Variants in KCNMB2 observed in about 807,000 individuals in gnomAD.
The protein encoded by KCNMB2 is potassium calcium-activated channel subfamily M regulatory beta subunit 2, also known as calcium-activated potassium channel subunit beta-2.
Under a neutral mutation model 24.5 loss-of-function variants are expected in KCNMB2, and 9 were observed. The observed-to-expected ratio is 0.37, with a 90% CI of 0.22 to 0.64. The LOEUF (loss-of-function observed/expected upper bound fraction) is 0.64. KCNMB2 is among the 30% of genes least tolerant of loss of function. The pLI is 0.63. For missense variants in KCNMB2, 226 were observed against 284.3 expected, an observed-to-expected ratio of 0.79 and a Z score of 1.47; for synonymous variants, 109 against 104.4, an observed-to-expected ratio of 1.04 and a Z score of -0.27.
rs1304931321 is a variant in KCNMB2, at chr3:178,782,716, G to A, written c.-67-24627G>A. ...GCCCTTTGTCAGATGAGTAGGTTGC[G>A]AAAATTTTCTCCCATTTTGTAGTTT... On this transcript the variant is annotated intron_variant, in intron 1 of 4. Transcript: ENST00000452583. Among the ~76,000 whole-genome samples the A allele has an allele frequency of 2.5e-3, 378 of 150,488 alleles. 4 individuals are homozygous for A. The highest frequency in any genetic ancestry group is 8.5e-3 in the African/African-American group (347 of 41,032).
At chr3:178,818,916 T>TACCTGGAGTA (rs112327216) in intron 2 of KCNMB2, among the ~76,000 whole-genome samples, 2 of 151,958 alleles carry the variant, frequency 1.3e-5, no homozygotes, top group East Asian at 3.9e-4. Context: ...TTCTCTTATA[T>TACCTGGAGTA]TCTGCCTGGA....
intron 1 of KCNMB2, among the ~76,000 whole-genome samples, chr3:178,611,954 C>T (rs543593161): frequency 9.9e-5 from 15 of 151,958 alleles, no homozygotes; most frequent in South Asian, 8.3e-4. Context: ...GCTGTGTTTC[C>T]GTTATTATTT....
chr3:178,790,645 T>C (rs1577190938), intron 1 of KCNMB2, among the ~76,000 whole-genome samples: 1 of 152,332 alleles, frequency 6.6e-6, no homozygotes, highest in East Asian at 1.9e-4. Context: ...CTGTGCACCT[T>C]GGGTAAGAAA....
intron 1 of KCNMB2, among the ~76,000 whole-genome samples, chr3:178,733,049 C>T (rs1219686400): frequency 6.6e-6 from 1 of 152,114 alleles, no homozygotes; most frequent in Non-Finnish European, 1.5e-5. Flanking sequence ...GTACTCTACT[C>T]TTGTGTATCT....
At chr3:178,559,291 G>C (rs751098216) in intron 1 of KCNMB2, among the ~76,000 whole-genome samples, 1 of 151,960 alleles carries the variant, frequency 6.6e-6, no homozygotes, top group Non-Finnish European at 1.5e-5. Context: ...TGATTCTAGT[G>C]CATATTTTCT....
chr3:178,625,564 G>A (rs998409349), intron 1 of KCNMB2, among the ~76,000 whole-genome samples: 1 of 152,172 alleles, frequency 6.6e-6, no homozygotes, highest in Non-Finnish European at 1.5e-5. Context: ...AAGTCTATCA[G>A]GAAGATAGAG....
intron 1 of KCNMB2, among the ~76,000 whole-genome samples, chr3:178,692,390 G>A (rs1200160187): frequency 1.3e-5 from 2 of 152,182 alleles, no homozygotes; most frequent in Non-Finnish European, 2.9e-5. Flanking sequence ...TTATATTTAA[G>A]TCATTAATCC....
At chr3:178,623,240 C>A (rs1268632825) in intron 1 of KCNMB2, among the ~76,000 whole-genome samples, 2 of 152,216 alleles carry the variant, frequency 1.3e-5, no homozygotes, top group Non-Finnish European at 2.9e-5. Flanking sequence ...ACCTCAGATA[C>A]CGCTTCAATC....
chr3:178,559,365 A>C (rs2108462388), intron 1 of KCNMB2, among the ~76,000 whole-genome samples: 1 of 152,190 alleles, frequency 6.6e-6, no homozygotes, highest in East Asian at 1.9e-4. Context: ...AATATAATAC[A>C]TTGGAATCAT....
chr3:178,836,736 A>G (rs1311481076), intron 4 of KCNMB2, among the ~76,000 whole-genome samples: 1 of 152,070 alleles, frequency 6.6e-6, no homozygotes, highest in Non-Finnish European at 1.5e-5. Context: ...ATTATTACTC[A>G]TATATTCTTT....
intron 1 of KCNMB2, among the ~76,000 whole-genome samples, chr3:178,617,027 A>G (rs1718730003): frequency 6.6e-6 from 1 of 152,152 alleles, no homozygotes. Context: ...GAGGAGATAC[A>G]GAGGTTTTAT....
At chr3:178,839,449 C>T (rs1231881982) in intron 4 of KCNMB2, among the ~76,000 whole-genome samples, 3 of 151,776 alleles carry the variant, frequency 2.0e-5, no homozygotes, top group Non-Finnish European at 4.4e-5. Context: ...GAGGGAAGGG[C>T]AAGGAAGGAG....
rs1374681281 is a variant in KCNMB2 at position 178,677,597 on chromosome 3, A to C, written c.-67-129746A>C. ...TGTTTCACTTCCCAGCCTCCTCCTAAAACCCCTGGCCTGTCGTCTGTGCAC... is the reference window on the plus strand; with the variant it reads ...TGTTTCACTTCCCAGCCTCCTCCTACAACCCCTGGCCTGTCGTCTGTGCAC... On this transcript the variant is annotated intron_variant, in intron 1 of 4. Coordinates refer to ENST00000452583, the MANE Select transcript of KCNMB2 (RefSeq NM_181361.3). 2.6e-5 allele frequency among the ~76,000 whole-genome samples: 4 copies of C among 152,168 alleles called. No individual in the cohort carries two copies. The East Asian group carries it at 7.7e-4, about 29-fold the overall frequency.
intron 1 of KCNMB2, among the ~76,000 whole-genome samples, chr3:178,713,419 G>C (rs1400881229): frequency 6.6e-6 from 1 of 152,170 alleles, no homozygotes; most frequent in Non-Finnish European, 1.5e-5. Flanking sequence ...TAATGTTGTA[G>C]CTGCAAATTA....
At chr3:178,566,671 TA>T (rs11286527) in intron 1 of KCNMB2, among the ~76,000 whole-genome samples, 94,607 of 151,670 alleles carry the variant, frequency 0.62, 30,571 homozygotes, top group African/African-American at 0.8. Context: ...CAAGCAAACA[TA>T]AAAAAAAACT....
chr3:178,583,942 T>G (rs1717312267), intron 1 of KCNMB2, among the ~76,000 whole-genome samples: 1 of 152,220 alleles, frequency 6.6e-6, no homozygotes, highest in Admixed American at 6.5e-5. Context: ...CGGAGGTCTG[T>G]GAAACTCCAC....
chr3:178,547,489 T>C (rs146830920), intron 1 of KCNMB2, among the ~76,000 whole-genome samples: 40 of 152,314 alleles, frequency 2.6e-4, no homozygotes, highest in Admixed American at 1.3e-3. Flanking sequence ...TTCCCTTTCA[T>C]CATAAAACAT....
intron 1 of KCNMB2, among the ~76,000 whole-genome samples, chr3:178,549,309 CTTTTTTT>C (rs34705538): frequency 7.3e-6 from 1 of 136,880 alleles, no homozygotes; most frequent in African/African-American, 2.7e-5. Flanking sequence ...CTTTTATTTT[CTTTTTTT>C]TTTTTTTTTC....
At chr3:178,633,714 T>C (rs1160432295) in intron 1 of KCNMB2, among the ~76,000 whole-genome samples, 1 of 152,236 alleles carries the variant, frequency 6.6e-6, no homozygotes, top group Non-Finnish European at 1.5e-5. Flanking sequence ...CCCATTGCCT[T>C]GGCAATTAGC....
Sources: gnomAD v4.1 joint callset for allele counts (sites outside exome capture counted in the v4.1 genomes callset) on GRCh38, gnomAD v4.1.1 for gene constraint, MANE v1.5 for transcripts, NCBI Gene and HGNC (gene_info 2026-07-23, HGNC 2026-07-21) for gene names.